The following FLVCR1 variants were observed in gnomAD, a reference collection of about 807,000 sequenced individuals.
FLVCR1 encodes the protein choline/ethanolamine transporter FLVCR1.
FLVCR1 carries 34 observed loss-of-function variants against 53.6 expected under a neutral mutation model. The ratio of observed to expected loss-of-function variants is 0.63; its 90% CI spans 0.48 to 0.84. The LOEUF (loss-of-function observed/expected upper bound fraction) is 0.84. Among genes scored for constraint, FLVCR1 ranks in the 40% least tolerant of loss-of-function variants. The probability of loss-of-function intolerance (pLI) is 0.00; values close to 1 mark genes in which losing one functional copy is unlikely to be tolerated. For synonymous variants in FLVCR1, 300 were observed against 286.3 expected, an observed-to-expected ratio of 1.05 and a Z score of -0.48; for missense variants, 677 against 696.7, an observed-to-expected ratio of 0.97 and a Z score of 0.32.
At chr1:212,888,678 G>GTTT in intron 7 of FLVCR1, 84 bp downstream of exon 7, 1 of 1,044,896 alleles carries the variant, frequency 9.6e-7, no homozygotes, top group Non-Finnish European at 1.5e-6. Context: ...GGTTTTATTT[G>GTTT]TTGTTGTTGT....
At chr1:212,880,243 T>C (rs1324188724) in intron 3 of FLVCR1, among the ~76,000 whole-genome samples, 2 of 152,108 alleles carry the variant, frequency 1.3e-5, no homozygotes, top group African/African-American at 2.4e-5. Context: ...GAGCTATAGG[T>C]CTCATCCTTT....
At position 212,878,268 on chromosome 1, in the gene FLVCR1, C is replaced by A. The variant is rs1457798283; in HGVS notation, c.1025-5103C>A. Among the ~76,000 whole-genome samples the A allele has an allele frequency of 4.0e-5, 6 of 151,896 alleles. No individual in the cohort carries two copies. In the South Asian group the frequency reaches 1.2e-3, roughly 32 times the overall value. ...CTGTAATCCAAGAACTTTGGGAGGC[C>A]GAGGCGGGCGGATCACGAGGTCAGG... On this transcript the variant is annotated intron_variant, in intron 3 of 9. Coordinates refer to ENST00000366971, the MANE Select transcript of FLVCR1 (RefSeq NM_014053.4).
chr1:212,858,564 C>G lies in FLVCR1; in HGVS notation c.112C>G (p.Leu38Val), dbSNP rs1181313339. 6 of 1,483,588 alleles carry G rather than the reference C, an allele frequency of 4.0e-6. No homozygotes were observed. The highest frequency in any genetic ancestry group is 1.4e-5 in the African/African-American group (1 of 71,430). 91.9% of individuals were successfully genotyped at this position (1,483,588 alleles called of 1,614,324 possible). A position where few individuals can be genotyped will look rare whatever the true frequency, so the allele number is the denominator to read the frequency against. Residue 38 changes from leucine (L) to valine (V), a missense_variant, in exon 1 of 10, where the codon CTG becomes GTG. Physicochemically the swap from Leu to Val is conservative, Grantham distance 32 (BLOSUM62 1). Coordinates refer to ENST00000366971, the MANE Select transcript of FLVCR1 (RefSeq NM_014053.4). ...GCCCGTTGGGAAGGAGAGCGTGGAG[C>G]TGCAGAACGGGCCCAAAGCGGGCAC... is the stretch of plus-strand genomic sequence containing the variant. ...GAPVGKESVE[L>V]QNGPKAGTFP... is the part of the protein sequence containing the mutation.
At chr1:212,874,458 A>G (rs1572016938) in intron 3 of FLVCR1, among the ~76,000 whole-genome samples, 1 of 151,928 alleles carries the variant, frequency 6.6e-6, no homozygotes, top group Admixed American at 6.6e-5. Flanking sequence ...TAGAGAAAAT[A>G]TAGTGGCTTA....
chr1:212,886,042 C>CTTTTTTTTTTTTTT (rs5780703), intron 5 of FLVCR1, among the ~76,000 whole-genome samples: 2 of 121,166 alleles, frequency 1.7e-5, no homozygotes, highest in African/African-American at 3.2e-5. Flanking sequence ...TTATCTTGTT[C>CTTTTTTTTTTTTTT]TTTTTTTTTT....
In FLVCR1 at chr1:212,860,350, G is replaced by GTTTT. The variant is rs567270153; in HGVS notation, c.738+1175_738+1178dup. ...TATTATAAAGTTTTTTGTGTGTGTG[G>GTTTT]TTTTTTTTTTTTTTTTTTGTAGAAA... On this transcript the variant is annotated intron_variant, in intron 1 of 9. Transcript: ENST00000366971. Among the ~76,000 whole-genome samples, 299 of 85,842 alleles carry GTTTT rather than the reference G, an allele frequency of 3.5e-3. 29 individuals carry two copies. The highest frequency in any genetic ancestry group is 8.9e-3 in the African/African-American group (237 of 26,592). The allele number at this position is 85,842 out of a possible 152,430, so 56.3% of individuals were successfully genotyped here. A position where few individuals can be genotyped will look rare whatever the true frequency, so the allele number is the denominator to read the frequency against.
At chr1:212,867,953 A>G (rs10864017) in intron 2 of FLVCR1, among the ~76,000 whole-genome samples, 104,248 of 151,266 alleles carry the variant, frequency 0.69, 37,422 homozygotes, top group East Asian at 1. Flanking sequence ...ACAGGCACCC[A>G]CCACCGCGCC....
Position 212,863,332 on chromosome 1 carries a change from C to A in FLVCR1, c.739-393C>A, listed in dbSNP as rs1490022337. On this transcript the variant is annotated intron_variant, in intron 1 of 9. Transcript: ENST00000366971. ...TTAGGCTGGGTGCAGTGGCTCACGCCTGTAATCCCAGCACTTTGGGAGGCC... is the reference window on the plus strand; with the variant it reads ...TTAGGCTGGGTGCAGTGGCTCACGCATGTAATCCCAGCACTTTGGGAGGCC... 2.0e-5 allele frequency among the ~76,000 whole-genome samples: 3 copies of A among 152,196 alleles called. No individual in the cohort carries two copies. In the East Asian group the frequency reaches 5.8e-4, roughly 29 times the overall value.
At chr1:212,880,242 G>T (rs1157483190) in intron 3 of FLVCR1, among the ~76,000 whole-genome samples, 1 of 152,098 alleles carries the variant, frequency 6.6e-6, no homozygotes, top group African/African-American at 2.4e-5. Context: ...CGAGCTATAG[G>T]TCTCATCCTT....
chr1:212,862,346 AG>A (rs1664271321), intron 1 of FLVCR1, among the ~76,000 whole-genome samples: 2 of 152,106 alleles, frequency 1.3e-5, no homozygotes, highest in Admixed American at 6.6e-5. Flanking sequence ...CCCCTCCCCT[AG>A]CCTGTGGCAA....
chr1:212,889,137 G>A lies in FLVCR1; in HGVS notation c.1414-9G>A, dbSNP rs1572027678. ...TTAATAACGAATGATTTTTCTTATTGTATTTTAGATATTTGGAATTTTGTT... is the reference window on the plus strand; with the variant it reads ...TTAATAACGAATGATTTTTCTTATTATATTTTAGATATTTGGAATTTTGTT... On this transcript the variant is annotated splice_polypyrimidine_tract_variant and intron_variant, in intron 7 of 9. Coordinates refer to ENST00000366971, the MANE Select transcript of FLVCR1 (RefSeq NM_014053.4). 8 of 1,543,084 alleles carry A rather than the reference G, an allele frequency of 5.2e-6. No individual in the cohort carries two copies. In the East Asian group the frequency reaches 6.8e-5, roughly 13 times the overall value.
Position 212,896,890 on chromosome 1 carries a change from G to GAAA in FLVCR1, c.*1600_*1601insAAA, listed in dbSNP as rs1558124499. On this transcript the variant is annotated 3_prime_UTR_variant, in exon 10 of 10. Coordinates refer to ENST00000366971, the MANE Select transcript of FLVCR1 (RefSeq NM_014053.4). Reference sequence around the variant, plus strand: ...AAAAAAAAAAAAAAAAAAAAAAAAGGCCAGGCGCAGTGCTGTGGCTCATGC... The same window carrying GAAA: ...AAAAAAAAAAAAAAAAAAAAAAAAGGAAACCAGGCGCAGTGCTGTGGCTCATGC... 82 of 93,574 alleles carry GAAA rather than the reference G, an allele frequency of 8.8e-4. 4 individuals carry two copies. Among genetic ancestry groups the GAAA allele is most frequent in the Middle Eastern group, 6.2e-3 (1 of 162 alleles). The allele number at this position is 93,574 out of a possible 1,614,324, so 5.8% of individuals were successfully genotyped here.
chr1:212,872,949 TAAACTA>T (rs1403895383), intron 3 of FLVCR1, 131 bp downstream of exon 3: 2 of 871,876 alleles, frequency 2.3e-6, no homozygotes, highest in African/African-American at 3.4e-5. Flanking sequence ...ATCATGAACT[TAAACTA>T]AAAGCAGAAA....
chr1:212,889,780 T>C (rs1665145235), intron 8 of FLVCR1, among the ~76,000 whole-genome samples: 1 of 145,110 alleles, frequency 6.9e-6, no homozygotes, highest in Admixed American at 7.0e-5. Context: ...AAAAGAGTAG[T>C]AAAGACCTGG....
intron 7 of FLVCR1, among the ~76,000 whole-genome samples, chr1:212,888,929 A>T (rs1393390794): frequency 6.6e-6 from 1 of 152,002 alleles, no homozygotes; most frequent in Non-Finnish European, 1.5e-5. Flanking sequence ...GGCTCAAGCA[A>T]TTCGCCTACC....
At chr1:212,868,535 G>A (rs1291800923) in intron 2 of FLVCR1, among the ~76,000 whole-genome samples, 2 of 152,104 alleles carry the variant, frequency 1.3e-5, no homozygotes, top group East Asian at 1.9e-4. Context: ...TCAGCCTCCC[G>A]AGTAGCTGGA....
intron 2 of FLVCR1, among the ~76,000 whole-genome samples, chr1:212,866,476 T>A (rs74605341): frequency 2.1e-5 from 1 of 48,690 alleles, no homozygotes; most frequent in African/African-American, 4.7e-5. Context: ...TGATTTTCCT[T>A]TTTTTTTTTT....
At chr1:212,878,377 C>T (rs1558115945) in intron 3 of FLVCR1, among the ~76,000 whole-genome samples, 1 of 151,856 alleles carries the variant, frequency 6.6e-6, no homozygotes, top group Non-Finnish European at 1.5e-5. Context: ...TGGTGGGTGC[C>T]TGTAGTCCCA....
chr1:212,882,293 G>A lies in FLVCR1; in HGVS notation c.1025-1078G>A, dbSNP rs535915337. On this transcript the variant is annotated intron_variant, in intron 3 of 9. Coordinates refer to ENST00000366971, the MANE Select transcript of FLVCR1 (RefSeq NM_014053.4). ...AAGTATATTAACATAATAGAATACT[G>A]TACAACAGAAAACTAATGAACTACA... Among the ~76,000 whole-genome samples the A allele has an allele frequency of 8.9e-4, 135 of 152,186 alleles. 1 individual carries two copies. The highest frequency in any genetic ancestry group is 1.4e-3 in the Non-Finnish European group (94 of 68,012).
Sources: allele counts gnomAD v4.1 joint callset (sites outside exome capture counted in the v4.1 genomes callset), GRCh38; gene constraint gnomAD v4.1.1; transcripts MANE v1.5; gene names NCBI Gene and HGNC (gene_info 2026-07-23, HGNC 2026-07-21).